ENAH: variants seen among roughly 807,000 people sequenced by gnomAD.
ENAH encodes the protein protein enabled homolog.
A neutral mutation model predicts 78.7 loss-of-function variants in ENAH; 23 were observed. The ratio of observed to expected loss-of-function variants is 0.29; its 90% CI spans 0.21 to 0.41. The LOEUF (loss-of-function observed/expected upper bound fraction) is 0.41. Ranked by LOEUF, ENAH falls within the 10% of genes least tolerant of loss-of-function variation. The pLI, the probability that ENAH is intolerant of heterozygous loss-of-function variation, is 1.00. For synonymous variants in ENAH, 226 were observed against 241.0 expected (o/e 0.94, Z 0.58); for missense variants, 544 against 691.0 (o/e 0.79, Z 2.39).
At chr1:225,609,652 A>G (rs1158885350) in intron 1 of ENAH, among the ~76,000 whole-genome samples, 2 of 144,312 alleles carry the variant, frequency 1.4e-5, no homozygotes, top group Non-Finnish European at 3.0e-5. Context: ...AAAGGGAAAA[A>G]TGGATTTTTT....
At chr1:225,653,482 A>C (rs1663449610), upstream of ENAH, among the ~76,000 whole-genome samples, 2 of 126,560 alleles carry the variant, frequency 1.6e-5, no homozygotes, top group South Asian at 2.9e-4. This position sits in a 1 kb window ranked among gnomAD's most constrained non-coding sequence, Gnocchi z 4.3. Context: ...GTTGTCCTTG[A>C]CCGTCGGCCC....
intron 1 of ENAH, among the ~76,000 whole-genome samples, chr1:225,628,115 A>G (rs1658287513): frequency 6.6e-6 from 1 of 152,212 alleles, no homozygotes; most frequent in African/African-American, 2.4e-5. Flanking sequence ...TTCTGGGTGT[A>G]ATTCAGGATA....
intron 1 of ENAH, among the ~76,000 whole-genome samples, chr1:225,587,833 A>T (rs2096854771): frequency 1.3e-5 from 2 of 152,204 alleles, no homozygotes; most frequent in Non-Finnish European, 2.9e-5. Flanking sequence ...CAGAGTCCAG[A>T]AATCAACACA....
intron 1 of ENAH, among the ~76,000 whole-genome samples, chr1:225,610,340 C>G (rs2148116806): frequency 6.6e-6 from 1 of 152,118 alleles, no homozygotes; most frequent in South Asian, 2.1e-4. Flanking sequence ...TTTACTAGAG[C>G]TCAAAGATCA....
rs770405608 is a variant in ENAH, at chr1:225,562,660, A to AT, written c.171+4588dup. ...TAAATGTTAGGCTGGAAAATGAAGTATTTTTTTATATAACATATTTATATA... is the reference window on the plus strand; with the variant it reads ...TAAATGTTAGGCTGGAAAATGAAGTATTTTTTTTATATAACATATTTATATA... On this transcript the variant is annotated intron_variant, in intron 2 of 13. Transcript: ENST00000366843. Among the ~76,000 whole-genome samples, 69 of 147,168 alleles carry AT rather than the reference A, an allele frequency of 4.7e-4. 1 individual carries two copies. Among genetic ancestry groups the AT allele is most frequent in the Non-Finnish European group, 2.8e-4 (19 of 66,926 alleles).
At chr1:225,564,415 A>G (rs1187045840) in intron 2 of ENAH, among the ~76,000 whole-genome samples, 2 of 151,490 alleles carry the variant, frequency 1.3e-5, no homozygotes, top group Admixed American at 6.6e-5. Context: ...CAGCCTCCCA[A>G]GTAGCTCGAA....
intron 1 of ENAH, among the ~76,000 whole-genome samples, chr1:225,624,334 A>G (rs914014615): frequency 1.3e-5 from 2 of 152,144 alleles, no homozygotes; most frequent in East Asian, 3.9e-4. Flanking sequence ...TATTTTAAAA[A>G]TAAATATGGC....
intron 1 of ENAH, 89 bp from the exon 2 acceptor site, chr1:225,567,503 A>C (rs771833256): frequency 9.9e-5 from 129 of 1,300,124 alleles, no homozygotes; most frequent in Non-Finnish European, 1.3e-4. Flanking sequence ...GGAGTCAGTC[A>C]ACGATCAGTG....
intron 3 of ENAH, among the ~76,000 whole-genome samples, chr1:225,541,519 A>G (rs1374610083): frequency 2.0e-5 from 3 of 152,204 alleles, no homozygotes; most frequent in Admixed American, 2.0e-4. Flanking sequence ...ACTGAATTGT[A>G]CCCTTTAAAT....
At chr1:225,517,945 T>C (rs901005338) in intron 5 of ENAH, 3 of 1,548,440 alleles carry the variant, frequency 1.9e-6, no homozygotes, top group Non-Finnish European at 2.6e-6. Flanking sequence ...GCAACTGGAA[T>C]ACTCAGGAAG....
chr1:225,639,975 G>A (rs1660740889), intron 1 of ENAH, among the ~76,000 whole-genome samples: 1 of 152,116 alleles, frequency 6.6e-6, no homozygotes, highest in Non-Finnish European at 1.5e-5. Flanking sequence ...AGCACTTTAA[G>A]TCTTAAACAG....
chr1:225,649,631 A>C (rs1032638054), intron 1 of ENAH, among the ~76,000 whole-genome samples: 1 of 152,214 alleles, frequency 6.6e-6, no homozygotes, highest in Non-Finnish European at 1.5e-5. Flanking sequence ...TGTCCTGTAT[A>C]AGTAATATGC....
Position 225,565,413 on chromosome 1 carries a change from C to T in ENAH, c.171+1836G>A, listed in dbSNP as rs569065231. ...TCACGCCATTGCACTCCACCCTGGG[C>T]GACAAGAGCAAAACTCTGTCTCAAA... On this transcript the variant is annotated intron_variant, in intron 2 of 13. Coordinates refer to ENST00000366843, the MANE Select transcript of ENAH (RefSeq NM_018212.6). Among the ~76,000 whole-genome samples the T allele has an allele frequency of 1.9e-4, 28 of 150,664 alleles. No homozygotes were observed. The East Asian group carries it at 2.6e-3, about 14-fold the overall frequency.
At chr1:225,575,532 C>T (rs1434543747) in intron 1 of ENAH, among the ~76,000 whole-genome samples, 6 of 152,154 alleles carry the variant, frequency 3.9e-5, no homozygotes, top group African/African-American at 1.4e-4. Flanking sequence ...CATTATTCTA[C>T]CATCCTAGTG....
At chr1:225,560,663 T>A (rs2096698499) in intron 2 of ENAH, among the ~76,000 whole-genome samples, 1 of 152,134 alleles carries the variant, frequency 6.6e-6, no homozygotes, top group South Asian at 2.1e-4. Flanking sequence ...ACCCTCCTGA[T>A]GTGGTTTTTA....
At chr1:225,579,440 AT>A (rs887217796) in intron 1 of ENAH, among the ~76,000 whole-genome samples, 58 of 152,206 alleles carry the variant, frequency 3.8e-4, no homozygotes, top group African/African-American at 1.4e-3. Context: ...AGAATATCAG[AT>A]TTTTTTAAGG....
chr1:225,588,242 GA>G lies in ENAH; in HGVS notation c.6-20829del, dbSNP rs1455683542. ...CATACATAGGCAAGGCACAGATGAAGAAAAAAATCTACGAAACATAAATCTG... is the reference window on the plus strand; with the variant it reads ...CATACATAGGCAAGGCACAGATGAAGAAAAAATCTACGAAACATAAATCTG... On this transcript the variant is annotated intron_variant, in intron 1 of 13. Coordinates refer to ENST00000366843, the MANE Select transcript of ENAH (RefSeq NM_018212.6). Among the ~76,000 whole-genome samples, 6 of 151,992 alleles carry G rather than the reference GA, an allele frequency of 3.9e-5. No homozygotes were observed. The East Asian group carries it at 1.2e-3, about 29-fold the overall frequency.
At chr1:225,556,974 G>A (rs1344942901) in intron 2 of ENAH, among the ~76,000 whole-genome samples, 2 of 152,114 alleles carry the variant, frequency 1.3e-5, no homozygotes, top group African/African-American at 2.4e-5. Context: ...TGTCTATAAG[G>A]CTCTATTTTC....
At chr1:225,531,597 C>G (rs1275274816) in intron 3 of ENAH, among the ~76,000 whole-genome samples, 1 of 152,094 alleles carries the variant, frequency 6.6e-6, no homozygotes, top group Non-Finnish European at 1.5e-5. Context: ...TAATGACACA[C>G]TACATATATT....
Sources: allele counts gnomAD v4.1 joint callset (sites outside exome capture counted in the v4.1 genomes callset), GRCh38; gene constraint gnomAD v4.1.1; non-coding constraint Gnocchi (gnomAD v3.1); transcripts MANE v1.5; gene names NCBI Gene and HGNC (gene_info 2026-07-23, HGNC 2026-07-21).